NMNAT2: variants seen among roughly 807,000 people sequenced by gnomAD.
The protein encoded by NMNAT2 is nicotinamide/nicotinic acid mononucleotide adenylyltransferase 2.
Under a neutral mutation model 41.6 loss-of-function variants are expected in NMNAT2, and 11 were observed. The ratio of observed to expected loss-of-function variants is 0.26; its 90% CI spans 0.17 to 0.44. The LOEUF is 0.44. Ranked by LOEUF, NMNAT2 falls within the 20% of genes least tolerant of loss-of-function variation. The pLI, the probability that NMNAT2 is intolerant of heterozygous loss-of-function variation, is 1.00. For synonymous variants in NMNAT2, 148 were observed against 151.2 expected, an observed-to-expected ratio of 0.98 and a Z score of 0.16; for missense variants, 288 against 407.7, an observed-to-expected ratio of 0.71 and a Z score of 2.53.
chr1:183,355,540 G>C (rs938859138), intron 1 of NMNAT2, among the ~76,000 whole-genome samples: 1 of 152,220 alleles, frequency 6.6e-6, no homozygotes, highest in Non-Finnish European at 1.5e-5. Context: ...ATTGACATCC[G>C]TCTCCTTTAC....
In NMNAT2 at chr1:183,280,254, T is replaced by G. The variant is rs1401426962; in HGVS notation, c.575-1625A>C. On this transcript the variant is annotated intron_variant, in intron 7 of 10. Transcript: ENST00000287713. ...CCAGGGTTCTAGGTCAGTTCTCTGT[T>G]GAAAGGGCACGTCTCTGTAATTCTG... Among the ~76,000 whole-genome samples, 3 of 152,310 alleles carry G rather than the reference T, an allele frequency of 2.0e-5. No individual in the cohort carries two copies. In the East Asian group the frequency reaches 5.8e-4, roughly 29 times the overall value.
intron 1 of NMNAT2, among the ~76,000 whole-genome samples, chr1:183,297,198 G>A (rs530698794): frequency 5.9e-5 from 9 of 151,486 alleles, no homozygotes; most frequent in African/African-American, 2.2e-4. Context: ...TGTGTATCCA[G>A]TGCAGTCCAA....
At chr1:183,343,539 T>C (rs987273261) in intron 1 of NMNAT2, among the ~76,000 whole-genome samples, 4 of 152,226 alleles carry the variant, frequency 2.6e-5, no homozygotes, top group Non-Finnish European at 5.9e-5. Flanking sequence ...GCAATTTCTA[T>C]GCTATCAAAA....
intron 1 of NMNAT2, among the ~76,000 whole-genome samples, chr1:183,372,681 CTT>C: frequency 6.6e-6 from 1 of 152,336 alleles, no homozygotes; most frequent in Non-Finnish European, 1.5e-5. Flanking sequence ...TGCCCCCTCT[CTT>C]TTCTTTTAAA....
intron 5 of NMNAT2, 86 bp from the exon 6 acceptor site, chr1:183,284,876 C>T: frequency 1.9e-6 from 2 of 1,069,190 alleles, no homozygotes; most frequent in East Asian, 2.4e-5. Context: ...ATTGGGGCCG[C>T]TGTAAACATC....
intron 8 of NMNAT2, among the ~76,000 whole-genome samples, chr1:183,277,280 C>T (rs1042229016): frequency 2.6e-5 from 4 of 152,094 alleles, no homozygotes; most frequent in Non-Finnish European, 4.4e-5. Flanking sequence ...GTCAGGGGTT[C>T]GAGACCAGCC....
At chr1:183,347,892 T>C (rs542782067) in intron 1 of NMNAT2, among the ~76,000 whole-genome samples, 1 of 152,164 alleles carries the variant, frequency 6.6e-6, no homozygotes, top group Non-Finnish European at 1.5e-5. Context: ...AGTGAGCACA[T>C]GTCCTCCTTA....
rs750452714 is a variant in NMNAT2, at chr1:183,278,623, C to T, written c.581G>A (p.Arg194Gln). Residue 194 changes from arginine (R) to glutamine (Q), a missense_variant, in exon 8 of 11, where the codon CGG (arginine) becomes CAG (glutamine). Arg to Gln is a conservative substitution (Grantham distance 43). Coordinates refer to ENST00000287713, the MANE Select transcript of NMNAT2 (RefSeq NM_015039.4). Reference protein sequence around the residue: ...TVMRYEEIELRILLLCGSDLL... With the variant: ...TVMRYEEIELQILLLCGSDLL... ...GTCACTACCACACAGCAGCAGGATC[C>T]GTAGCTCTGAGGAAGGGGAGCAAAG... The T allele has an allele frequency of 4.3e-6, 7 of 1,613,440 alleles. No individual in the cohort carries two copies. The highest frequency in any genetic ancestry group is 2.2e-5 in the East Asian group (1 of 44,876).
At position 183,267,806 on chromosome 1, in the gene NMNAT2, G is replaced by A. The variant is rs566104795; in HGVS notation, c.652-6503C>T. 2.0e-4 allele frequency among the ~76,000 whole-genome samples: 31 copies of A among 152,234 alleles called. No homozygotes were observed. The South Asian group carries it at 2.1e-3, about 10-fold the overall frequency. ...TTGGGGGTGGAGAGGTGGGGTGGGC[G>A]AGTGGCCAATGCGGTAGAACTGTCC... On this transcript the variant is annotated intron_variant, in intron 8 of 10. Transcript: ENST00000287713.
chr1:183,377,112 T>G (rs1016625572), intron 1 of NMNAT2, among the ~76,000 whole-genome samples: 17 of 151,974 alleles, frequency 1.1e-4, no homozygotes, highest in African/African-American at 3.6e-4. Flanking sequence ...CTGGTGGAAA[T>G]TCACGAAAGC....
chr1:183,385,612 T>TC (rs1484160273), intron 1 of NMNAT2, among the ~76,000 whole-genome samples: 1 of 152,112 alleles, frequency 6.6e-6, no homozygotes, highest in Non-Finnish European at 1.5e-5. Flanking sequence ...TTTTTTTTTT[T>TC]CCAGAAAATC....
chr1:183,358,470 A>G (rs759751592), intron 1 of NMNAT2, among the ~76,000 whole-genome samples: 21 of 152,196 alleles, frequency 1.4e-4, no homozygotes, highest in Middle Eastern at 6.3e-3. Flanking sequence ...ATCCTCACAA[A>G]GAACATGATT....
chr1:183,306,556 T>C (rs1008709215), intron 1 of NMNAT2, among the ~76,000 whole-genome samples: 2 of 151,344 alleles, frequency 1.3e-5, no homozygotes, highest in African/African-American at 4.9e-5. Flanking sequence ...AATTACTGCA[T>C]TGAGTGGAGA....
intron 7 of NMNAT2, among the ~76,000 whole-genome samples, chr1:183,280,549 GGC>G (rs1661233774): frequency 6.6e-6 from 1 of 151,608 alleles, no homozygotes; most frequent in South Asian, 2.1e-4. Flanking sequence ...CACCACACCT[GGC>G]TAATTTTTGT....
intron 3 of NMNAT2, among the ~76,000 whole-genome samples, chr1:183,292,341 T>A (rs1415352499): frequency 6.6e-6 from 1 of 152,166 alleles, no homozygotes; most frequent in Non-Finnish European, 1.5e-5. Context: ...CCCGCACCTG[T>A]CTCCTGGGGC....
intron 8 of NMNAT2, among the ~76,000 whole-genome samples, chr1:183,263,420 A>G (rs779154): frequency 0.96 from 146,961 of 152,292 alleles, 71,136 homozygotes; most frequent in Non-Finnish European, 1. Flanking sequence ...ATACTGCACT[A>G]GGACTCACTA....
At chr1:183,299,726 A>G (rs1211168119) in intron 1 of NMNAT2, among the ~76,000 whole-genome samples, 2 of 151,676 alleles carry the variant, frequency 1.3e-5, no homozygotes, top group African/African-American at 4.9e-5. Flanking sequence ...TGGGTCAGGG[A>G]AAGGGGTGGG....
At chr1:183,347,110 A>G (rs1014807956) in intron 1 of NMNAT2, among the ~76,000 whole-genome samples, 1 of 152,072 alleles carries the variant, frequency 6.6e-6, no homozygotes, top group South Asian at 2.1e-4. Flanking sequence ...GTATTCCATC[A>G]CTACTATAGA....
At chr1:183,300,417 G>GA (rs59973277) in intron 1 of NMNAT2, among the ~76,000 whole-genome samples, 67,300 of 139,358 alleles carry the variant, frequency 0.48, 15,865 homozygotes, top group East Asian at 0.66. Flanking sequence ...CTAAAAAAAA[G>GA]AAAAAAAAAA....
Sources: gnomAD v4.1 joint callset for allele counts (sites outside exome capture counted in the v4.1 genomes callset) on GRCh38, gnomAD v4.1.1 for gene constraint, MANE v1.5 for transcripts, NCBI Gene and HGNC (gene_info 2026-07-23, HGNC 2026-07-21) for gene names.